KIAA0319L: variants seen among roughly 807,000 people sequenced by gnomAD.
KIAA0319L encodes the protein dyslexia-associated protein KIAA0319-like protein.
Under a neutral mutation model 120.1 loss-of-function variants are expected in KIAA0319L, and 55 were observed. That is an observed-to-expected ratio of 0.46 (90% CI 0.37 to 0.57). The LOEUF (loss-of-function observed/expected upper bound fraction) is 0.57, where lower values mean the gene tolerates loss of function less well. Among genes scored for constraint, KIAA0319L ranks in the 20% least tolerant of loss-of-function variants. The pLI, the probability that KIAA0319L is intolerant of heterozygous loss-of-function variation, is 0.00. For synonymous variants in KIAA0319L, 398 were observed against 471.9 expected, an observed-to-expected ratio of 0.84 and a Z score of 2.03; for missense variants, 1,049 against 1,255.3, an observed-to-expected ratio of 0.84 and a Z score of 2.48.
rs909048613 is a variant in KIAA0319L at position 35,437,214 on chromosome 1, C to T, written c.2963-2133G>A. The stretch of plus-strand genomic sequence containing the variant: ...CGATGTGCTGAGCTCAGGCTCCCAT[C>T]CAATCTCACCTCTGCAGCGCGGCAC... On this transcript the variant is annotated intron_variant, in intron 20 of 20. Transcript: ENST00000325722. This position sits in a 1 kb window ranked among gnomAD's most constrained non-coding sequence, Gnocchi z 4.1. Among the ~76,000 whole-genome samples the T allele has an allele frequency of 1.3e-5, 2 of 152,196 alleles. No homozygotes were observed. Among genetic ancestry groups the T allele is most frequent in the African/African-American group, 2.4e-5 (1 of 41,454 alleles).
At chr1:35,461,709 T>C (rs1402754889) in intron 8 of KIAA0319L, among the ~76,000 whole-genome samples, 2 of 152,218 alleles carry the variant, frequency 1.3e-5, no homozygotes, top group African/African-American at 4.8e-5. Flanking sequence ...TGCATATTTA[T>C]TTAACTTTCA....
rs192209927 is a variant in KIAA0319L, at chr1:35,520,571, T to C, written c.143-13436A>G. Among the ~76,000 whole-genome samples the C allele has an allele frequency of 4.6e-5, 7 of 152,264 alleles. No individual in the cohort carries two copies. In the East Asian group the frequency reaches 1.3e-3, roughly 29 times the overall value. ...ACTACACCCAGCTATTTTTTTATGT[T>C]TTATTTTTTTGTAGAGATGAGGTCT... On this transcript the variant is annotated intron_variant, in intron 2 of 20. Coordinates refer to ENST00000325722, the MANE Select transcript of KIAA0319L (RefSeq NM_024874.5).
intron 2 of KIAA0319L, among the ~76,000 whole-genome samples, chr1:35,545,625 C>G (rs1646952508): frequency 6.6e-6 from 1 of 152,136 alleles, no homozygotes; most frequent in Non-Finnish European, 1.5e-5. Context: ...TAGAGAATGA[C>G]TTAGGCAGCC....
chr1:35,541,575 C>T (rs1377025453), intron 2 of KIAA0319L, among the ~76,000 whole-genome samples: 1 of 151,874 alleles, frequency 6.6e-6, no homozygotes, highest in African/African-American at 2.4e-5. Flanking sequence ...GTCTTGAATT[C>T]CTGACCTCAG....
At chr1:35,497,893 A>G (rs186678685) in intron 3 of KIAA0319L, among the ~76,000 whole-genome samples, 1 of 152,346 alleles carries the variant, frequency 6.6e-6, no homozygotes, top group African/African-American at 2.4e-5. Flanking sequence ...GAACAGTGTG[A>G]CTATTTTAAA....
At chr1:35,455,341 A>T (rs1245063201) in intron 10 of KIAA0319L, among the ~76,000 whole-genome samples, 1 of 152,188 alleles carries the variant, frequency 6.6e-6, no homozygotes, top group African/African-American at 2.4e-5. Context: ...AGTTCAGCAC[A>T]GCCACCATCC....
intron 15 of KIAA0319L, among the ~76,000 whole-genome samples, chr1:35,448,810 C>A (rs781541155): frequency 6.6e-5 from 10 of 152,198 alleles, no homozygotes; most frequent in Admixed American, 1.3e-4. Flanking sequence ...AATGGGAATG[C>A]ATCCGTCCCT....
chr1:35,551,370 T>C (rs1020181616), intron 2 of KIAA0319L, among the ~76,000 whole-genome samples: 1 of 152,218 alleles, frequency 6.6e-6, no homozygotes, highest in Non-Finnish European at 1.5e-5. Flanking sequence ...CAGGCTGGAA[T>C]GCTGTGGTGC....
intron 3 of KIAA0319L, among the ~76,000 whole-genome samples, chr1:35,488,441 A>G (rs1035765267): frequency 6.6e-6 from 1 of 152,202 alleles, no homozygotes; most frequent in Admixed American, 6.5e-5. Flanking sequence ...ATCAAAAACG[A>G]AATAGACTAC....
intron 2 of KIAA0319L, among the ~76,000 whole-genome samples, chr1:35,552,127 G>A (rs192422129): frequency 2.9e-4 from 44 of 151,998 alleles, no homozygotes; most frequent in African/African-American, 1.0e-3. Flanking sequence ...GGCAGATAAC[G>A]AGGTCAAGAG....
chr1:35,516,221 A>G (rs1020572835), intron 2 of KIAA0319L, among the ~76,000 whole-genome samples: 6 of 152,222 alleles, frequency 3.9e-5, no homozygotes, highest in African/African-American at 1.4e-4. Flanking sequence ...TCATCCTGAT[A>G]CCAAAACTGG....
At chr1:35,472,093 G>C (rs1284541606) in intron 5 of KIAA0319L, among the ~76,000 whole-genome samples, 1 of 152,220 alleles carries the variant, frequency 6.6e-6, no homozygotes, top group African/African-American at 2.4e-5. Context: ...GTAGAAAACA[G>C]TTTGGGAACA....
chr1:35,454,325 C>A (rs1412966601), intron 11 of KIAA0319L, 37 bp downstream of exon 11: 1 of 1,610,634 alleles, frequency 6.2e-7, no homozygotes, highest in Non-Finnish European at 8.5e-7. Context: ...AATGGACCCA[C>A]CAATAGAAGA....
At chr1:35,541,953 T>C (rs1159087886) in intron 2 of KIAA0319L, among the ~76,000 whole-genome samples, 1 of 152,170 alleles carries the variant, frequency 6.6e-6, no homozygotes, top group Non-Finnish European at 1.5e-5. Flanking sequence ...GTCATGGGCT[T>C]CAATTAGTCT....
intron 7 of KIAA0319L, among the ~76,000 whole-genome samples, chr1:35,464,056 C>A (rs1309004192): frequency 6.6e-6 from 1 of 152,082 alleles, no homozygotes; most frequent in African/African-American, 2.4e-5. Flanking sequence ...TGTAAATTGC[C>A]CAGTCTCGGG....
intron 2 of KIAA0319L, among the ~76,000 whole-genome samples, chr1:35,544,842 T>C (rs1026082837): frequency 6.6e-6 from 1 of 152,132 alleles, no homozygotes; most frequent in South Asian, 2.1e-4. Flanking sequence ...ATCCAACTGT[T>C]TTTAGTCAGG....
intron 2 of KIAA0319L, among the ~76,000 whole-genome samples, chr1:35,522,876 G>C (rs1009743057): frequency 2.0e-5 from 3 of 151,474 alleles, no homozygotes; most frequent in Non-Finnish European, 4.4e-5. Context: ...AAAATTAGCC[G>C]GGCGTGGTGG....
At chr1:35,494,550 C>G (rs1311525750) in intron 3 of KIAA0319L, among the ~76,000 whole-genome samples, 1 of 151,764 alleles carries the variant, frequency 6.6e-6, no homozygotes, top group Non-Finnish European at 1.5e-5. Context: ...ATCCCAGCAG[C>G]TTGGGAGGCT....
chr1:35,438,067 T>G (rs746601635), intron 20 of KIAA0319L, among the ~76,000 whole-genome samples: 8 of 152,174 alleles, frequency 5.3e-5, no homozygotes, highest in Non-Finnish European at 1.0e-4. Flanking sequence ...TCCCCTTCAA[T>G]TATTATATGT....
Sources: allele counts gnomAD v4.1 joint callset (sites outside exome capture counted in the v4.1 genomes callset), GRCh38; gene constraint gnomAD v4.1.1; non-coding constraint Gnocchi (gnomAD v3.1); transcripts MANE v1.5; gene names NCBI Gene and HGNC (gene_info 2026-07-23, HGNC 2026-07-21).